The following FOXM1 variants were observed in gnomAD, a reference collection of about 807,000 sequenced individuals.
The protein encoded by FOXM1 is forkhead box protein M1.
FOXM1 carries 25 observed loss-of-function variants against 63.6 expected under a neutral mutation model. The observed-to-expected ratio is 0.39, with a 90% CI of 0.29 to 0.55. FOXM1 has a LOEUF of 0.55. FOXM1 is among the 20% of genes least tolerant of loss of function. The pLI is 0.60. For synonymous variants in FOXM1, 387 were observed against 376.9 expected (o/e 1.03, Z -0.31); for missense variants, 879 against 958.7 (o/e 0.92, Z 1.10).
Position 2,864,877 on chromosome 12 carries a change from A to T in FOXM1, c.1021-125T>A. The T allele has an allele frequency of 9.6e-7, 1 of 1,038,006 alleles. No individual in the cohort carries two copies. Among genetic ancestry groups the T allele is most frequent in the South Asian group, 1.3e-5 (1 of 77,598 alleles). 64.3% of individuals were successfully genotyped at this position (1,038,006 alleles called of 1,614,324 possible). ...GAGTTAATGACAGCCCAGAGAGAGGAGGCCAACCTGAGGGGATGGACGTAG... is the reference window on the plus strand; with the variant it reads ...GAGTTAATGACAGCCCAGAGAGAGGTGGCCAACCTGAGGGGATGGACGTAG... On this transcript the variant is annotated intron_variant, in intron 6 of 8. Transcript: ENST00000359843. The surrounding 1 kb of genome is among the most constrained non-coding windows in gnomAD (Gnocchi z 5.1).
At chr12:2,865,563 G>C (rs1405041246) in intron 5 of FOXM1, among the ~76,000 whole-genome samples, 164 bp from the exon 6 acceptor site, 2 of 151,962 alleles carry the variant, frequency 1.3e-5, no homozygotes, top group Non-Finnish European at 2.9e-5. Flanking sequence ...CAGCCTTATG[G>C]GCACTCTGAA....
rs2098092426 is a variant in FOXM1 at position 2,857,714 on chromosome 12, G to A, written c.*924C>T. ...CCTTCGCTTTTATTGAGTAGTTAGTGTTCTCAAGCTGGCTCACACCCATGC... is the reference window on the plus strand; with the variant it reads ...CCTTCGCTTTTATTGAGTAGTTAGTATTCTCAAGCTGGCTCACACCCATGC... On this transcript the variant is annotated 3_prime_UTR_variant, in exon 9 of 9. Coordinates refer to ENST00000359843, the MANE Select transcript of FOXM1 (RefSeq NM_021953.4). 1 of 152,732 alleles carries A rather than the reference G, an allele frequency of 6.5e-6. No individual in the cohort carries two copies. The highest frequency in any genetic ancestry group is 2.4e-5 in the African/African-American group (1 of 41,438). The allele number at this position is 152,732 out of a possible 1,614,324, so 9.5% of individuals were successfully genotyped here.
At chr12:2,862,210 A>T (rs1446206268) in intron 8 of FOXM1, among the ~76,000 whole-genome samples, 1 of 151,768 alleles carries the variant, frequency 6.6e-6, no homozygotes, top group East Asian at 1.9e-4. Flanking sequence ...AGACATGTAG[A>T]GAAGTATGCA....
intron 1 of FOXM1, chr12:2,876,312 A>G (rs1317750446): frequency 6.6e-6 from 1 of 152,132 alleles, no homozygotes; most frequent in African/African-American, 2.4e-5. Context: ...CTCTCCCCGC[A>G]TCAATCAGTA....
chr12:2,867,648 C>T (rs149485050), intron 4 of FOXM1, among the ~76,000 whole-genome samples: 2,322 of 143,782 alleles, frequency 0.016, 51 homozygotes, highest in African/African-American at 0.057. Context: ...GGTGACAGAG[C>T]GAGACTCCAT....
rs541991331 is a variant in FOXM1 at position 2,859,841 on chromosome 12, G to A, written c.1267-178C>T. On this transcript the variant is annotated intron_variant, in intron 8 of 8. Coordinates refer to ENST00000359843, the MANE Select transcript of FOXM1 (RefSeq NM_021953.4). ...TTCTGGGGGTAAAAGATGCGGGTAT[G>A]TAGTATGTAGTGGCATAATTATAAT... The A allele has an allele frequency of 1.3e-4, 75 of 591,532 alleles. 1 individual carries two copies. In the South Asian group the frequency reaches 1.6e-3, roughly 12 times the overall value. 36.6% of individuals were successfully genotyped at this position (591,532 alleles called of 1,614,324 possible). A position where few individuals can be genotyped will look rare whatever the true frequency, so the allele number is the denominator to read the frequency against.
chr12:2,865,222 G>A, intron 6 of FOXM1, 133 bp downstream of exon 6: 1 of 790,240 alleles, frequency 1.3e-6, no homozygotes, highest in Non-Finnish European at 2.1e-6. Context: ...TCTGTGTCTA[G>A]GGCTGGCACC....
chr12:2,858,816 G>A lies in FOXM1; in HGVS notation c.2114C>T (p.Pro705Leu), dbSNP rs200806960. 8.9e-5 allele frequency: 143 copies of A among 1,614,168 alleles called. No homozygotes were observed. The highest frequency in any genetic ancestry group is 3.3e-4 in the Middle Eastern group (2 of 6,062). Residue 705 changes from proline to leucine, a missense_variant, in exon 9 of 9, where the codon CCG becomes CTG. This residue lies in a region of FOXM1 where 486 missense variants were observed against 453.5 expected (regional missense o/e 1.07). Coordinates refer to ENST00000359843, the MANE Select transcript of FOXM1 (RefSeq NM_021953.4). ...TGCAAGGCCAGAAACCTGTGGCTCC[G>A]GGGAGCCTGGCTTGGGGACGTCTAT... is the stretch of plus-strand genomic sequence containing the variant. ...SDIDVPKPGS[P>L]EPQVSGLAAN...
chr12:2,858,693 T>C lies in FOXM1; in HGVS notation c.2237A>G (p.Asp746Gly). The C allele has an allele frequency of 1.2e-6, 2 of 1,614,100 alleles. No individual in the cohort carries two copies. Among genetic ancestry groups the C allele is most frequent in the East Asian group, 2.2e-5 (1 of 44,874 alleles). ...GTTGATGTTGTCAGGGCCCAGTGGG[T>C]CCTCGTCCAGGCCAGGAAAGCTGAT... ...LDISFPGLDE[D>G]PLGPDNINWS... The change falls in exon 9 of 9, where the codon GAC becomes GGC. Residue 746 changes from aspartate (D) to glycine (G), a missense_variant. This residue lies in a region of FOXM1 where 486 missense variants were observed against 453.5 expected (regional missense o/e 1.07). Coordinates refer to ENST00000359843, the MANE Select transcript of FOXM1 (RefSeq NM_021953.4).
chr12:2,868,101 C>T (rs2098126852), intron 4 of FOXM1: 1 of 152,716 alleles, frequency 6.5e-6, no homozygotes, highest in African/African-American at 2.4e-5. Flanking sequence ...ACTGCGTGAG[C>T]TATGTTGACT....
At chr12:2,871,277 A>G (rs1185072612) in intron 3 of FOXM1, among the ~76,000 whole-genome samples, 1 of 152,190 alleles carries the variant, frequency 6.6e-6, no homozygotes, top group Non-Finnish European at 1.5e-5. Flanking sequence ...TAGATGTGTT[A>G]TATTGGTAAC....
In FOXM1 at chr12:2,874,157, G is replaced by C. The variant is rs2098137981; in HGVS notation, c.322C>G (p.Leu108Val). The C allele has an allele frequency of 1.2e-6, 2 of 1,614,190 alleles. No homozygotes were observed. Among genetic ancestry groups the C allele is most frequent in the Non-Finnish European group, 1.7e-6 (2 of 1,180,042 alleles). The change falls in exon 2 of 9, where the codon CTC (leucine) becomes GTC (valine). Residue 108 changes from leucine (L) to valine (V), a missense_variant. Transcript: ENST00000359843. This position sits in a 1 kb window ranked among gnomAD's most constrained non-coding sequence, Gnocchi z 4.3. Reference sequence around the variant, plus strand: ...GTTGGGGCTCCCCCACAGCTGATGAGGATGAATTTGTTGGGCCCACTACTG... The same window carrying C: ...GTTGGGGCTCCCCCACAGCTGATGACGATGAATTTGTTGGGCCCACTACTG... ...SGSSGPNKFI[L>V]ISCGGAPTQP...
At position 2,872,527 on chromosome 12, in the gene FOXM1, C is replaced by T. The variant is rs1262414616; in HGVS notation, c.503-280G>A. ...AGGAGGCTGAGACAGGAGAATTGCT[C>T]GAACCCGGGAGACGAAGGCTGCAGT... On this transcript the variant is annotated intron_variant, in intron 2 of 8. Coordinates refer to ENST00000359843, the MANE Select transcript of FOXM1 (RefSeq NM_021953.4). This position sits in a 1 kb window ranked among gnomAD's most constrained non-coding sequence, Gnocchi z 4.0. Among the ~76,000 whole-genome samples the T allele has an allele frequency of 5.3e-5, 8 of 151,998 alleles. No homozygotes were observed. Among genetic ancestry groups the T allele is most frequent in the Admixed American group, 1.3e-4 (2 of 15,230 alleles).
rs771889374 is a variant in FOXM1 at position 2,858,946 on chromosome 12, TG to T, written c.1983del (p.Thr662LeufsTer21). 6.2e-7 allele frequency: 1 copy of T among 1,612,964 alleles called. No individual in the cohort carries two copies. Among genetic ancestry groups the T allele is most frequent in the East Asian group, 2.2e-5 (1 of 44,818 alleles). On this transcript the variant is annotated frameshift_variant, in exon 9 of 9. Transcript: ENST00000359843. LOFTEE classifies it high-confidence loss of function. Reference sequence around the variant, plus strand: ...AGGGGGGGAGCACTTTGCAAGGGAGTGGTGCTGAGATCCATCAGCCCCAGGG... The same window carrying T: ...AGGGGGGGAGCACTTTGCAAGGGAGTGTGCTGAGATCCATCAGCCCCAGGG... ...PDPLGLMDLS[T>X]TPLQSAPPLE...
At chr12:2,865,134 G>T (rs959624764) in intron 6 of FOXM1, among the ~76,000 whole-genome samples, 6 of 152,294 alleles carry the variant, frequency 3.9e-5, no homozygotes, top group African/African-American at 1.2e-4. Flanking sequence ...CCCCTGCTGT[G>T]CCCTGCTCTG....
rs2098119898 is a variant in FOXM1 at position 2,864,666 on chromosome 12, C to T, written c.1090+17G>A. 6.2e-7 allele frequency: 1 copy of T among 1,613,348 alleles called. No homozygotes were observed. The highest frequency in any genetic ancestry group is 1.1e-5 in the South Asian group (1 of 91,056). ...CAGAACAAGGACCAGGCCCAAGGCCCACTCTCCCATACTAACGTGCGCCCA... is the reference window on the plus strand; with the variant it reads ...CAGAACAAGGACCAGGCCCAAGGCCTACTCTCCCATACTAACGTGCGCCCA... On this transcript the variant is annotated intron_variant, in intron 7 of 8. Transcript: ENST00000359843. This position sits in a 1 kb window ranked among gnomAD's most constrained non-coding sequence, Gnocchi z 5.1.
At position 2,872,208 on chromosome 12, in the gene FOXM1, A is replaced by G; in HGVS notation, c.542T>C (p.Leu181Pro). ...EAAGCTINNS[L>P]SNIQWLRKMS... ...CTTTCGAAGCCACTGGATGTTGGATAGGCTATTGTTGATAGTGCAGCCTGC... is the reference window on the plus strand; with the variant it reads ...CTTTCGAAGCCACTGGATGTTGGATGGGCTATTGTTGATAGTGCAGCCTGC... The change falls in exon 3 of 9, where the codon CTA becomes CCA. Residue 181 changes from leucine (L) to proline (P), a missense_variant. By Grantham distance (98) the Leu-to-Pro change is moderately conservative. Around this residue, in one of 4 missense-constraint regions of FOXM1, gnomAD observed 255 missense variants for 292.4 expected, o/e 0.87. Coordinates refer to ENST00000359843, the MANE Select transcript of FOXM1 (RefSeq NM_021953.4). This position sits in a 1 kb window ranked among gnomAD's most constrained non-coding sequence, Gnocchi z 4.0. 1 of 1,614,198 alleles carries G rather than the reference A, an allele frequency of 6.2e-7. No individual in the cohort carries two copies. The highest frequency in any genetic ancestry group is 1.1e-5 in the South Asian group (1 of 91,086).
intron 3 of FOXM1, among the ~76,000 whole-genome samples, chr12:2,871,022 G>A (rs1009246860): frequency 6.6e-6 from 1 of 150,438 alleles, no homozygotes; most frequent in Admixed American, 6.6e-5. Context: ...TATGAAGAAG[G>A]GAACACTAGA....
chr12:2,861,090 C>T (rs555401550), intron 8 of FOXM1, among the ~76,000 whole-genome samples: 12 of 151,568 alleles, frequency 7.9e-5, no homozygotes, highest in African/African-American at 2.4e-4. Flanking sequence ...ATCGCTTGAA[C>T]CCAGGAGGCA....
Sources: gnomAD v4.1 joint callset for allele counts (sites outside exome capture counted in the v4.1 genomes callset) on GRCh38, gnomAD v4.1.1 for gene constraint, gnomAD v4.1.1 regional missense constraint, Gnocchi (gnomAD v3.1) non-coding constraint, MANE v1.5 for transcripts, NCBI Gene and HGNC (gene_info 2026-07-23, HGNC 2026-07-21) for gene names.